RNF185: variants seen among roughly 807,000 people sequenced by gnomAD.
The protein encoded by RNF185 is E3 ubiquitin-protein ligase RNF185.
A neutral mutation model predicts 24.9 loss-of-function variants in RNF185; 13 were observed. The observed-to-expected ratio is 0.52, with a 90% CI of 0.34 to 0.83. RNF185 has a LOEUF of 0.83. Ranked by LOEUF, RNF185 falls within the 40% of genes least tolerant of loss-of-function variation. The pLI, the probability that RNF185 is intolerant of heterozygous loss-of-function variation, is 0.01. For synonymous variants in RNF185, 79 were observed against 90.3 expected (o/e 0.88, Z 0.71); for missense variants, 184 against 244.7 (o/e 0.75, Z 1.65).
At chr22:31,172,647 G>A (rs1298538671) in intron 1 of RNF185, among the ~76,000 whole-genome samples, 1 of 150,666 alleles carries the variant, frequency 6.6e-6, no homozygotes, top group Non-Finnish European at 1.5e-5. Context: ...TACTCAGGAG[G>A]CTGAGGCAGG....
At chr22:31,195,714 G>A in intron 4 of RNF185, 133 bp downstream of exon 4, 1 of 639,814 alleles carries the variant, frequency 1.6e-6, no homozygotes, top group Admixed American at 2.7e-5. Context: ...TCATCCAGAT[G>A]AGAGTCAGCT....
chr22:31,192,650 C>T, intron 2 of RNF185, 34 bp from the exon 3 acceptor site: 2 of 1,608,244 alleles, frequency 1.2e-6, no homozygotes, highest in Non-Finnish European at 1.7e-6. Flanking sequence ...TTCTCCTTCT[C>T]CTTGATGACT....
At chr22:31,187,416 C>T (rs1052630803) in intron 2 of RNF185, 146 bp downstream of exon 2, 7 of 841,620 alleles carry the variant, frequency 8.3e-6, no homozygotes, top group Admixed American at 2.8e-5. Flanking sequence ...CCCATCCCAG[C>T]TCTGCTACCA....
intron 1 of RNF185, among the ~76,000 whole-genome samples, chr22:31,166,261 G>A (rs2147919214): frequency 6.6e-6 from 1 of 152,078 alleles, no homozygotes; most frequent in East Asian, 1.9e-4. Context: ...AAAGTGCTGG[G>A]ATTACAGGCA....
rs1388965394 is a variant in RNF185, at chr22:31,195,542, C to G, written c.269C>G (p.Pro90Arg). The G allele has an allele frequency of 6.2e-7, 1 of 1,610,966 alleles. No homozygotes were observed. Among genetic ancestry groups the G allele is most frequent in the South Asian group, 1.1e-5 (1 of 90,238 alleles). The change falls in exon 4 of 7, where the codon CCC becomes CGC. Residue 90 changes from proline to arginine, a missense_variant. Coordinates refer to ENST00000326132, the MANE Select transcript of RNF185 (RefSeq NM_152267.4). The part of the protein sequence containing the change: ...KAGISRDKVI[P>R]LYGRGSTGQQ... ...GGCATCAGCCGAGACAAGGTCATCC[C>G]CCTCTATGGAAGGGGCAGCACTGGG... is the stretch of plus-strand genomic sequence containing the variant.
At chr22:31,181,697 C>T (rs999116789) in intron 1 of RNF185, among the ~76,000 whole-genome samples, 4 of 152,124 alleles carry the variant, frequency 2.6e-5, no homozygotes, top group African/African-American at 9.7e-5. Flanking sequence ...AGTTCATGTC[C>T]TTTGTAGGGA....
chr22:31,186,902 T>G, intron 1 of RNF185, 145 bp from the exon 2 acceptor site: 1 of 622,004 alleles, frequency 1.6e-6, no homozygotes, highest in East Asian at 2.9e-5. Context: ...GCCCTACAAC[T>G]CTTGTCTTCT....
intron 5 of RNF185, among the ~76,000 whole-genome samples, chr22:31,198,055 AC>A (rs1462388762): frequency 6.6e-6 from 1 of 152,234 alleles, no homozygotes; most frequent in African/African-American, 2.4e-5. Flanking sequence ...CAAAATATTT[AC>A]CCACCATTGC....
Position 31,187,211 on chromosome 22 carries a change from C to T in RNF185, c.117C>T (p.Cys39=). 6.2e-7 allele frequency: 1 copy of T among 1,614,136 alleles called. No individual in the cohort carries two copies. The highest frequency in any genetic ancestry group is 8.5e-7 in the Non-Finnish European group (1 of 1,179,974). The change falls in exon 2 of 7, where the codon TGC becomes TGT. Residue 39 remains cysteine, a synonymous_variant. Transcript: ENST00000326132. ...ESGGQDSTFE[C]NICLDTAKDA... is the part of the protein sequence containing the mutation. Reference sequence around the variant, plus strand: ...GAGGGCAGGACAGCACTTTCGAGTGCAACATCTGCTTGGACACAGCCAAGG... The same window carrying T: ...GAGGGCAGGACAGCACTTTCGAGTGTAACATCTGCTTGGACACAGCCAAGG...
chr22:31,165,002 C>G (rs1265007915), intron 1 of RNF185, among the ~76,000 whole-genome samples: 1 of 152,074 alleles, frequency 6.6e-6, no homozygotes, highest in Non-Finnish European at 1.5e-5. Context: ...CATCTGCCTC[C>G]CAGGTTCAAG....
chr22:31,198,943 C>G (rs2048235620), intron 5 of RNF185, among the ~76,000 whole-genome samples: 1 of 149,996 alleles, frequency 6.7e-6, no homozygotes, highest in African/African-American at 2.4e-5. Flanking sequence ...TTCTTAAAAA[C>G]ATAAAAATTA....
At chr22:31,166,291 G>T (rs991303869) in intron 1 of RNF185, among the ~76,000 whole-genome samples, 1 of 151,764 alleles carries the variant, frequency 6.6e-6, no homozygotes, top group Non-Finnish European at 1.5e-5. Context: ...ATGCCCTGCC[G>T]ATGTGCTCAT....
chr22:31,184,980 ATTTTTTT>A (rs35419857), intron 1 of RNF185, among the ~76,000 whole-genome samples: 3 of 137,824 alleles, frequency 2.2e-5, no homozygotes, highest in Non-Finnish European at 4.6e-5. Context: ...ATTTTTTAAG[ATTTTTTT>A]TTTTTTTTAA....
intron 1 of RNF185, among the ~76,000 whole-genome samples, chr22:31,185,138 GAGA>G (rs1204308772): frequency 1.3e-5 from 2 of 152,238 alleles, no homozygotes; most frequent in East Asian, 1.9e-4. Flanking sequence ...GAAGGTCAGA[GAGA>G]AGGTCTTGGA....
At position 31,194,851 on chromosome 22, in the gene RNF185, G is replaced by T. The variant is rs187159571; in HGVS notation, c.196-618G>T. On this transcript the variant is annotated intron_variant, in intron 3 of 6. Coordinates refer to ENST00000326132, the MANE Select transcript of RNF185 (RefSeq NM_152267.4). ...TACACCAGCAGCCTAAATTGAGGCTGGGCATGTCAGACTTGACAGCCCCAG... is the reference window on the plus strand; with the variant it reads ...TACACCAGCAGCCTAAATTGAGGCTTGGCATGTCAGACTTGACAGCCCCAG... Among the ~76,000 whole-genome samples the T allele has an allele frequency of 4.1e-3, 628 of 152,306 alleles. 6 individuals are homozygous for T. Among genetic ancestry groups the T allele is most frequent in the African/African-American group, 0.014 (597 of 41,570 alleles).
intron 1 of RNF185, among the ~76,000 whole-genome samples, chr22:31,160,698 G>T (rs1046244742): frequency 3.9e-5 from 6 of 152,124 alleles, no homozygotes; most frequent in Non-Finnish European, 7.4e-5. Context: ...ACCTGGATTC[G>T]AGACTTCGCC....
chr22:31,187,013 A>G (rs2048105577), intron 1 of RNF185, 34 bp from the exon 2 acceptor site: 3 of 1,418,292 alleles, frequency 2.1e-6, no homozygotes. Context: ...AGAGGGCTGC[A>G]GAAATGGACA....
intron 5 of RNF185, among the ~76,000 whole-genome samples, chr22:31,199,682 A>G (rs2048241932): frequency 6.6e-6 from 1 of 152,212 alleles, no homozygotes; most frequent in Non-Finnish European, 1.5e-5. Flanking sequence ...GCACCTTCCC[A>G]AGTAAGGCAG....
intron 2 of RNF185, 122 bp downstream of exon 2, chr22:31,187,392 A>T: frequency 9.5e-7 from 1 of 1,052,350 alleles, no homozygotes; most frequent in Non-Finnish European, 1.4e-6. Flanking sequence ...CTCAAGGGAC[A>T]AGAGACCTGA....
Sources: gnomAD v4.1 joint callset for allele counts (sites outside exome capture counted in the v4.1 genomes callset) on GRCh38, gnomAD v4.1.1 for gene constraint, MANE v1.5 for transcripts, NCBI Gene and HGNC (gene_info 2026-07-23, HGNC 2026-07-21) for gene names.